PPM1J: variants seen among roughly 807,000 people sequenced by gnomAD.
PPM1J encodes the protein protein phosphatase 1J.
In PPM1J, 43 loss-of-function variants were observed where a neutral mutation model predicts 53.3. The observed-to-expected ratio is 0.81, with a 90% confidence interval of 0.63 to 1.04. The LOEUF (loss-of-function observed/expected upper bound fraction) is 1.04, where lower values mean the gene tolerates loss of function less well. PPM1J is among the 50% of genes least tolerant of loss of function. The probability of loss-of-function intolerance (pLI) is 0.00; values close to 1 mark genes in which losing one functional copy is unlikely to be tolerated. For synonymous variants in PPM1J, 267 were observed against 286.4 expected (o/e 0.93, Z 0.68); for missense variants, 635 against 685.9 (o/e 0.93, Z 0.83).
intron 1 of PPM1J, chr1:112,714,687 C>T: frequency 8.2e-7 from 1 of 1,214,542 alleles, no homozygotes; most frequent in Non-Finnish European, 1.0e-6. Flanking sequence ...TCATCCTTCG[C>T]CGGGCTCTCC....
chr1:112,710,353 TG>T, intron 9 of PPM1J, 43 bp from the exon 10 acceptor site: 1 of 1,612,834 alleles, frequency 6.2e-7, no homozygotes, highest in Non-Finnish European at 8.5e-7. Context: ...AACATGTATG[TG>T]GGAAGACAGA....
Position 112,711,878 on chromosome 1 carries a change from G to C in PPM1J, c.927+93C>G, listed in dbSNP as rs1570841526. On this transcript the variant is annotated intron_variant, in intron 5 of 9. Transcript: ENST00000309276. ...TCCCAGTAAAGTGCTTTCTGTGCCT[G>C]TGGTGGGGGTGTGAGAGTTCTCAGG... 4 of 845,850 alleles carry C rather than the reference G, an allele frequency of 4.7e-6. No individual in the cohort carries two copies. In the East Asian group the frequency reaches 1.1e-4, roughly 23 times the overall value. 52.4% of individuals were successfully genotyped at this position (845,850 alleles called of 1,614,324 possible).
At position 112,713,611 on chromosome 1, in the gene PPM1J, C is replaced by G. The variant is rs1412075113; in HGVS notation, c.327G>C (p.Glu109Asp). ...RRLPWSTGYA[E>D]VINAGKSRHN... ...GCCGACTCTTGCCAGCATTGATGACCCTGCCAGGCCAGAATGACCACATCA... is the reference window on the plus strand; with the variant it reads ...GCCGACTCTTGCCAGCATTGATGACGCTGCCAGGCCAGAATGACCACATCA... Residue 109 changes from glutamate (E) to aspartate (D), a missense_variant and splice_region_variant, in exon 2 of 10, where the codon GAG (glutamate) becomes GAC (aspartate). Coordinates refer to ENST00000309276, the MANE Select transcript of PPM1J (RefSeq NM_005167.7). 7 of 1,612,914 alleles carry G rather than the reference C, an allele frequency of 4.3e-6. No individual in the cohort carries two copies. In the East Asian group the frequency reaches 1.6e-4, roughly 36 times the overall value.
intron 1 of PPM1J, 131 bp from the exon 2 acceptor site, chr1:112,713,742 G>A (rs1675129209): frequency 5.1e-6 from 4 of 783,346 alleles, no homozygotes; most frequent in Non-Finnish European, 8.7e-6. Context: ...TGGGATCCAG[G>A]CCAGAGGGAG....
rs760071463 is a variant in PPM1J at position 112,710,443 on chromosome 1, T to G, written c.1370+17A>C. 6.2e-7 allele frequency: 1 copy of G among 1,613,270 alleles called. No homozygotes were observed. Among genetic ancestry groups the G allele is most frequent in the South Asian group, 1.1e-5 (1 of 91,054 alleles). The stretch of plus-strand genomic sequence containing the variant: ...CACCAATGCCATCCCCTTACCACCA[T>G]GCCATGCAGCCCCTACCTGCTGTGG... On this transcript the variant is annotated intron_variant, in intron 9 of 9. Transcript: ENST00000309276.
chr1:112,710,789 G>A lies in PPM1J; in HGVS notation c.1173C>T (p.Cys391=). 3.7e-6 allele frequency: 6 copies of A among 1,614,072 alleles called. No homozygotes were observed. Among genetic ancestry groups the A allele is most frequent in the Non-Finnish European group, 5.1e-6 (6 of 1,179,960 alleles). ...AGGGCTTGATGGGCAGGGTGGAACT[G>A]CAGACCTTAAGGCTGTGGTCTCCCA... ...RGLGDHSLKV[C]SSTLPIKPFL... The change falls in exon 8 of 10, where the codon TGC becomes TGT. Residue 391 remains cysteine, a synonymous_variant. Transcript: ENST00000309276.
Position 112,713,555 on chromosome 1 carries a change from A to G in PPM1J, c.383T>C (p.Val128Ala). Residue 128 changes from valine to alanine, a missense_variant, in exon 2 of 10, where the codon GTG becomes GCG. By Grantham distance (64) the Val-to-Ala change is moderately conservative. Coordinates refer to ENST00000309276, the MANE Select transcript of PPM1J (RefSeq NM_005167.7). Reference protein sequence around the residue: ...HNEDQACCEVVYVEGRRSVTG... With the variant: ...HNEDQACCEVAYVEGRRSVTG... ...AACACTCCTCCGACCTTCCACATAC[A>G]CCACTTCACAGCAAGCCTGGTCCTC... 1 of 1,613,952 alleles carries G rather than the reference A, an allele frequency of 6.2e-7. No homozygotes were observed. The highest frequency in any genetic ancestry group is 8.5e-7 in the Non-Finnish European group (1 of 1,179,966).
In PPM1J at chr1:112,712,069, GA is replaced by G; in HGVS notation, c.843-15del. 6.3e-7 allele frequency: 1 copy of G among 1,598,206 alleles called. No individual in the cohort carries two copies. Among genetic ancestry groups the G allele is most frequent in the South Asian group, 1.1e-5 (1 of 89,468 alleles). ...ACAATGATGGCCCTGCCCAAAGAAA[GA>G]AAAGGAATTGGGACCTGGTTCTCTT... On this transcript the variant is annotated splice_polypyrimidine_tract_variant and intron_variant, in intron 4 of 9. Coordinates refer to ENST00000309276, the MANE Select transcript of PPM1J (RefSeq NM_005167.7).
At position 112,711,400 on chromosome 1, in the gene PPM1J, A is replaced by G. The variant is rs1167139638; in HGVS notation, c.928-16T>C. 1 of 1,528,262 alleles carries G rather than the reference A, an allele frequency of 6.5e-7. No individual in the cohort carries two copies. The highest frequency in any genetic ancestry group is 1.8e-5 in the Admixed American group (1 of 55,554). 94.7% of individuals were successfully genotyped at this position (1,528,262 alleles called of 1,614,324 possible). A position where few individuals can be genotyped will look rare whatever the true frequency, so the allele number is the denominator to read the frequency against. The stretch of plus-strand genomic sequence containing the variant: ...TCAGGAAGCCCTGGAGTTGGGGATG[A>G]TCAGAACAGAGAGCCAGGGGGCATT... On this transcript the variant is annotated splice_polypyrimidine_tract_variant and intron_variant, in intron 5 of 9. Transcript: ENST00000309276.
At chr1:112,714,361 G>A (rs916739532) in intron 1 of PPM1J, 1 of 985,476 alleles carries the variant, frequency 1.0e-6, no homozygotes, top group African/African-American at 1.7e-5. Context: ...TCCGGGCAGG[G>A]GGTCCGCTTC....
chr1:112,710,832 A>T lies in PPM1J; in HGVS notation c.1130T>A (p.Ile377Asn). 6.2e-7 allele frequency: 1 copy of T among 1,613,880 alleles called. No individual in the cohort carries two copies. Among genetic ancestry groups the T allele is most frequent in the East Asian group, 2.2e-5 (1 of 44,880 alleles). ...GTCTCCCAAGCCTCGGGTCACCCCAATGGTGGCCATCACCCGAGCCTGAAA... is the reference window on the plus strand; with the variant it reads ...GTCTCCCAAGCCTCGGGTCACCCCATTGGTGGCCATCACCCGAGCCTGAAA... ...EGKKARVMAT[I>N]GVTRGLGDHS... Residue 377 changes from isoleucine to asparagine, a missense_variant, in exon 8 of 10, where the codon ATT becomes AAT. Physicochemically the swap from Ile to Asn is moderately radical, Grantham distance 149. Coordinates refer to ENST00000309276, the MANE Select transcript of PPM1J (RefSeq NM_005167.7).
chr1:112,713,658 C>A, intron 1 of PPM1J, 47 bp from the exon 2 acceptor site: 1 of 1,428,498 alleles, frequency 7.0e-7, no homozygotes, highest in Non-Finnish European at 9.9e-7. Flanking sequence ...AGACCAGGTC[C>A]TGGAATAACC....
In PPM1J at chr1:112,710,531, G is replaced by C. The variant is rs760140284; in HGVS notation, c.1299C>G (p.Val433=). 6.2e-7 allele frequency: 1 copy of C among 1,614,088 alleles called. No homozygotes were observed. The highest frequency in any genetic ancestry group is 8.5e-7 in the Non-Finnish European group (1 of 1,180,032). ...LVLGTDGLWD[V]TTDCEVAATV... ...TGGCAGCTACCTCACAGTCAGTAGTGACATCCCACAGGCCATCTGTTCCCA... is the reference window on the plus strand; with the variant it reads ...TGGCAGCTACCTCACAGTCAGTAGTCACATCCCACAGGCCATCTGTTCCCA... Residue 433 remains valine, a synonymous_variant, in exon 9 of 10, where the codon GTC becomes GTG. Coordinates refer to ENST00000309276, the MANE Select transcript of PPM1J (RefSeq NM_005167.7).
intron 1 of PPM1J, chr1:112,714,769 C>T (rs1675156994): frequency 4.0e-6 from 5 of 1,261,394 alleles, no homozygotes; most frequent in Non-Finnish European, 5.0e-6. Context: ...GCGGGAAGGA[C>T]GTGAAGAAGG....
chr1:112,710,854 G>C lies in PPM1J; in HGVS notation c.1111-3C>G, dbSNP rs143327916. 2.5e-6 allele frequency: 4 copies of C among 1,613,464 alleles called. No homozygotes were observed. Among genetic ancestry groups the C allele is most frequent in the East Asian group, 2.2e-5 (1 of 44,892 alleles). On this transcript the variant is annotated splice_region_variant and splice_polypyrimidine_tract_variant and intron_variant, in intron 7 of 9. Coordinates refer to ENST00000309276, the MANE Select transcript of PPM1J (RefSeq NM_005167.7). ...CCAATGGTGGCCATCACCCGAGCCT[G>C]AAAGAAATGAGGAGGGAGTGCCACT... is the stretch of plus-strand genomic sequence containing the variant.
chr1:112,712,074 G>C lies in PPM1J; in HGVS notation c.843-19C>G. 5 of 1,590,814 alleles carry C rather than the reference G, an allele frequency of 3.1e-6. No individual in the cohort carries two copies. The highest frequency in any genetic ancestry group is 3.4e-6 in the Non-Finnish European group (4 of 1,164,004). ...GATGGCCCTGCCCAAAGAAAGAAAAGGAATTGGGACCTGGTTCTCTTCAGA... is the reference window on the plus strand; with the variant it reads ...GATGGCCCTGCCCAAAGAAAGAAAACGAATTGGGACCTGGTTCTCTTCAGA... On this transcript the variant is annotated intron_variant, in intron 4 of 9. Coordinates refer to ENST00000309276, the MANE Select transcript of PPM1J (RefSeq NM_005167.7).
rs201874285 is a variant in PPM1J, at chr1:112,710,273, G to T, written c.1408C>A (p.Arg470=). The change falls in exon 10 of 10, where the codon CGG becomes AGG. Residue 470 remains arginine, a synonymous_variant. Transcript: ENST00000309276. ...CAGCCACGGTCTCGGGGGGTACCCC[G>T]GGCCCCCAGGACCAGAGCTTGGGCC... ...ALAQALVLGA[R]GTPRDRGWRL... The T allele has an allele frequency of 6.2e-7, 1 of 1,605,160 alleles. No homozygotes were observed. The highest frequency in any genetic ancestry group is 8.5e-7 in the Non-Finnish European group (1 of 1,177,886).
intron 3 of PPM1J, 136 bp from the exon 4 acceptor site, chr1:112,712,593 G>A (rs1042068800): frequency 9.0e-7 from 1 of 1,108,590 alleles, no homozygotes; most frequent in Non-Finnish European, 1.3e-6. Context: ...GAAGACTGGG[G>A]TGTAACTGCC....
intron 1 of PPM1J, chr1:112,714,354 G>A (rs377362020): frequency 4.4e-5 from 43 of 985,530 alleles, no homozygotes; most frequent in East Asian, 1.1e-4. Flanking sequence ...CGGCCGCTCC[G>A]GGCAGGGGGT....
Sources: allele counts gnomAD v4.1 joint callset, GRCh38; gene constraint gnomAD v4.1.1; transcripts MANE v1.5; gene names NCBI Gene and HGNC (gene_info 2026-07-23, HGNC 2026-07-21).